The following PAX5 variants were observed in gnomAD, a reference collection of about 807,000 sequenced individuals.
The protein encoded by PAX5 is paired box 5, also known as paired box protein Pax-5.
Under a neutral mutation model 43.7 loss-of-function variants are expected in PAX5, and 9 were observed. That is an observed-to-expected ratio of 0.21 (90% CI 0.12 to 0.36). The LOEUF is 0.36. Among genes scored for constraint, PAX5 ranks in the 10% least tolerant of loss-of-function variants. The probability of loss-of-function intolerance (pLI) is 1.00; values close to 1 mark genes in which losing one functional copy is unlikely to be tolerated. For synonymous variants in PAX5, 228 were observed against 214.3 expected (o/e 1.06, Z -0.56); for missense variants, 383 against 532.7 (o/e 0.72, Z 2.77).
rs535173445 is a variant in PAX5, at chr9:36,843,253, C to T, written c.1100-2617G>A. Among the ~76,000 whole-genome samples, 24 of 152,300 alleles carry T rather than the reference C, an allele frequency of 1.6e-4. No homozygotes were observed. In the East Asian group the frequency reaches 4.2e-3, roughly 27 times the overall value. On this transcript the variant is annotated intron_variant, in intron 9 of 9. Coordinates refer to ENST00000358127, the MANE Select transcript of PAX5 (RefSeq NM_016734.3). ...GCCCTGGCGCCCTCCCCAGATGTCA[C>T]GAATAACCCATCTAGGTCTACCTGC...
In PAX5 at chr9:36,882,929, T is replaced by C. The variant is rs1826573072; in HGVS notation, c.911-824A>G. On this transcript the variant is annotated intron_variant, in intron 7 of 9. Transcript: ENST00000358127. This position sits in a 1 kb window ranked among gnomAD's most constrained non-coding sequence, Gnocchi z 4.4. ...CTCCATCACGCAGAGGAAAATTCAATTGCACAGTTTTGATGGGTGTGCATG... is the reference window on the plus strand; with the variant it reads ...CTCCATCACGCAGAGGAAAATTCAACTGCACAGTTTTGATGGGTGTGCATG... Among the ~76,000 whole-genome samples the C allele has an allele frequency of 6.6e-6, 1 of 152,224 alleles. No individual in the cohort carries two copies. The highest frequency in any genetic ancestry group is 2.4e-5 in the African/African-American group (1 of 41,454).
At chr9:36,873,032 T>G (rs1001291918) in intron 8 of PAX5, among the ~76,000 whole-genome samples, 3 of 152,242 alleles carry the variant, frequency 2.0e-5, no homozygotes, top group Non-Finnish European at 2.9e-5. Context: ...TCTCACGCAC[T>G]GGTCCCTTAC....
intron 5 of PAX5, among the ~76,000 whole-genome samples, chr9:36,975,868 T>G (rs1835381701): frequency 6.6e-6 from 1 of 152,262 alleles, no homozygotes; most frequent in Admixed American, 6.5e-5. Flanking sequence ...TTTTTTCCCC[T>G]GCTAAAGTAT....
At chr9:36,896,693 C>T (rs575714653) in intron 7 of PAX5, among the ~76,000 whole-genome samples, 2 of 152,318 alleles carry the variant, frequency 1.3e-5, no homozygotes, top group South Asian at 4.1e-4. Context: ...CAGGCCACTG[C>T]TGGTTCTGGG....
chr9:36,950,687 G>A lies in PAX5; in HGVS notation c.780+15862C>T, dbSNP rs78143905. 8.9e-3 allele frequency among the ~76,000 whole-genome samples: 1,353 copies of A among 151,864 alleles called. 20 individuals are homozygous for A. The highest frequency in any genetic ancestry group is 0.031 in the African/African-American group (1,299 of 41,466). On this transcript the variant is annotated intron_variant, in intron 6 of 9. Coordinates refer to ENST00000358127, the MANE Select transcript of PAX5 (RefSeq NM_016734.3). ...AGTCTGCTTCTGTTCCTTCTCCACAGGAGCCCTTTTGAGATCAGATCACAT... is the reference window on the plus strand; with the variant it reads ...AGTCTGCTTCTGTTCCTTCTCCACAAGAGCCCTTTTGAGATCAGATCACAT...
chr9:36,983,717 A>C (rs1051695690), intron 5 of PAX5, among the ~76,000 whole-genome samples: 4 of 151,918 alleles, frequency 2.6e-5, no homozygotes, highest in African/African-American at 7.3e-5. Context: ...CAAGGGATCC[A>C]CCCCTCTCGG....
chr9:36,996,878 GAA>G (rs977147894), intron 5 of PAX5, among the ~76,000 whole-genome samples: 3 of 152,164 alleles, frequency 2.0e-5, no homozygotes, highest in Admixed American at 1.3e-4. Flanking sequence ...GAGTGTGAGA[GAA>G]AGAGAAGAAG....
intron 6 of PAX5, among the ~76,000 whole-genome samples, chr9:36,936,779 C>T (rs1831588020): frequency 6.6e-6 from 1 of 152,048 alleles, no homozygotes; most frequent in South Asian, 2.1e-4. Context: ...ATGCCCCTCC[C>T]CACCACCACC....
intron 6 of PAX5, among the ~76,000 whole-genome samples, chr9:36,944,419 A>G (rs1229570782): frequency 1.3e-5 from 2 of 152,156 alleles, no homozygotes; most frequent in Admixed American, 1.3e-4. Context: ...GACGGCACCC[A>G]GACAGCCTGG....
Position 36,966,573 on chromosome 9 carries a change from G to A in PAX5, c.756C>T (p.Thr252=). 6.2e-7 allele frequency: 1 copy of A among 1,614,172 alleles called. No homozygotes were observed. ...ERQHYSDIFT[T]TEPIKPEQTT... is the part of the protein sequence containing the mutation. Reference sequence around the variant, plus strand: ...CCTGCTCGGGCTTGATGGGCTCTGTGGTGGTGAAGATGTCTGAGTAGTGCT... The same window carrying A: ...CCTGCTCGGGCTTGATGGGCTCTGTAGTGGTGAAGATGTCTGAGTAGTGCT... Residue 252 remains threonine, a synonymous_variant, in exon 6 of 10, where the codon ACC becomes ACT. Coordinates refer to ENST00000358127, the MANE Select transcript of PAX5 (RefSeq NM_016734.3).
chr9:37,028,515 G>C (rs1487668781), intron 1 of PAX5, among the ~76,000 whole-genome samples: 1 of 152,216 alleles, frequency 6.6e-6, no homozygotes, highest in Non-Finnish European at 1.5e-5. Flanking sequence ...TGGGTGGAGG[G>C]GCTAAGGCTT....
rs574776031 is a variant in PAX5, at chr9:36,891,585, G to A, written c.911-9480C>T. ...ATTTCACCCGGAGGGGAAGGGCAGT[G>A]GGAATGGTGATGTAACAGCCTACCT... On this transcript the variant is annotated intron_variant, in intron 7 of 9. Transcript: ENST00000358127. Among the ~76,000 whole-genome samples, 59 of 152,324 alleles carry A rather than the reference G, an allele frequency of 3.9e-4. No homozygotes were observed. The South Asian group carries it at 0.011, about 28-fold the overall frequency.
intron 5 of PAX5, among the ~76,000 whole-genome samples, chr9:36,989,035 C>T (rs914179188): frequency 2.0e-5 from 3 of 152,164 alleles, no homozygotes; most frequent in African/African-American, 7.2e-5. Context: ...TGGCTTAAAA[C>T]CCACATGTGA....
At chr9:36,921,037 C>T (rs1830133756) in intron 7 of PAX5, among the ~76,000 whole-genome samples, 1 of 151,992 alleles carries the variant, frequency 6.6e-6, no homozygotes, top group Non-Finnish European at 1.5e-5. Context: ...GGTCTAGAAC[C>T]CCTGACCTCA....
At chr9:36,988,660 C>G in intron 5 of PAX5, among the ~76,000 whole-genome samples, 1 of 29,582 alleles carries the variant, frequency 3.4e-5, no homozygotes, top group South Asian at 2.1e-3. Flanking sequence ...GAGACCCTGT[C>G]TCAAAAAAAA....
intron 6 of PAX5, among the ~76,000 whole-genome samples, chr9:36,962,645 T>C (rs1318695605): frequency 6.6e-6 from 1 of 152,116 alleles, no homozygotes; most frequent in Non-Finnish European, 1.5e-5. Flanking sequence ...ACCACAGATA[T>C]GGAAACTGAG....
chr9:36,858,417 G>C (rs1823871690), intron 8 of PAX5, among the ~76,000 whole-genome samples: 2 of 152,134 alleles, frequency 1.3e-5, no homozygotes, highest in Non-Finnish European at 2.9e-5. Context: ...CTTAGCCTCA[G>C]TTTCCCCAAA....
chr9:36,939,436 G>A lies in PAX5; in HGVS notation c.781-15952C>T, dbSNP rs550248959. Among the ~76,000 whole-genome samples, 15 of 152,180 alleles carry A rather than the reference G, an allele frequency of 9.9e-5. No homozygotes were observed. In the East Asian group the frequency reaches 1.4e-3, roughly 14 times the overall value. On this transcript the variant is annotated intron_variant, in intron 6 of 9. Coordinates refer to ENST00000358127, the MANE Select transcript of PAX5 (RefSeq NM_016734.3). Reference sequence around the variant, plus strand: ...CTGAGACCACGTGTCTTGCCATTTTGTTCTGAAACCCCACGTGCTCAAGGC... The same window carrying A: ...CTGAGACCACGTGTCTTGCCATTTTATTCTGAAACCCCACGTGCTCAAGGC...
At chr9:37,024,706 G>A (rs1264455611) in intron 1 of PAX5, among the ~76,000 whole-genome samples, 1 of 152,214 alleles carries the variant, frequency 6.6e-6, no homozygotes, top group East Asian at 1.9e-4. Flanking sequence ...GGGGGCGATT[G>A]AAGGCCGGAC....
Sources: gnomAD v4.1 joint callset for allele counts (sites outside exome capture counted in the v4.1 genomes callset) on GRCh38, gnomAD v4.1.1 for gene constraint, Gnocchi (gnomAD v3.1) non-coding constraint, MANE v1.5 for transcripts, NCBI Gene and HGNC (gene_info 2026-07-23, HGNC 2026-07-21) for gene names.